The following GRIN2B variants were observed in gnomAD, a reference collection of about 807,000 sequenced individuals.
The protein encoded by GRIN2B is glutamate receptor ionotropic, NMDA 2B.
In GRIN2B, 5 loss-of-function variants were observed where a neutral mutation model predicts 114.5. The observed-to-expected ratio is 0.04, with a 90% CI of 0.02 to 0.09. GRIN2B has a LOEUF of 0.09. GRIN2B is among the 10% of genes least tolerant of loss of function. The pLI is 1.00. For missense variants in GRIN2B, 1,108 were observed against 1,943.5 expected, an observed-to-expected ratio of 0.57 and a Z score of 8.08; for synonymous variants, 787 against 745.1, an observed-to-expected ratio of 1.06 and a Z score of -0.92.
intron 3 of GRIN2B, among the ~76,000 whole-genome samples, chr12:13,806,449 C>T (rs947573612): frequency 3.2e-4 from 48 of 152,016 alleles, no homozygotes; most frequent in African/African-American, 1.0e-3. Flanking sequence ...CATTGTGATT[C>T]TGATTTGCAT....
At chr12:13,891,005 C>T (rs1045322654) in intron 2 of GRIN2B, among the ~76,000 whole-genome samples, 4 of 152,186 alleles carry the variant, frequency 2.6e-5, no homozygotes, top group African/African-American at 9.7e-5. Context: ...GCCAGCCAAT[C>T]TCCGCTCCCT....
At position 13,547,474 on chromosome 12, in the gene GRIN2B, C is replaced by CTGAT. The variant is rs1465919898; in HGVS notation, c.*15305_*15308dup. 1 of 152,114 alleles carries CTGAT rather than the reference C, an allele frequency of 6.6e-6. No homozygotes were observed. Among genetic ancestry groups the CTGAT allele is most frequent in the Non-Finnish European group, 1.5e-5 (1 of 68,012 alleles). 9.4% of individuals were successfully genotyped at this position (152,114 alleles called of 1,614,324 possible). A position where few individuals can be genotyped will look rare whatever the true frequency, so the allele number is the denominator to read the frequency against. On this transcript the variant is annotated 3_prime_UTR_variant, in exon 14 of 14. Coordinates refer to ENST00000609686, the MANE Select transcript of GRIN2B (RefSeq NM_000834.5). ...GACCCTTGGGATTAAATGAAATCTGCTGATTCTACTCTTTTTTCATGAATT... is the reference window on the plus strand; with the variant it reads ...GACCCTTGGGATTAAATGAAATCTGCTGATTGATTCTACTCTTTTTTCATGAATT...
At chr12:13,888,793 A>T (rs1460095319) in intron 2 of GRIN2B, among the ~76,000 whole-genome samples, 1 of 9,038 alleles carries the variant, frequency 1.1e-4, no homozygotes, top group Non-Finnish European at 9.4e-4. Context: ...TATAAAAGAT[A>T]AAAAAAAAAA....
At chr12:13,706,508 G>A (rs899249366) in intron 4 of GRIN2B, among the ~76,000 whole-genome samples, 19 of 152,162 alleles carry the variant, frequency 1.2e-4, no homozygotes, top group East Asian at 7.8e-4. Flanking sequence ...CCAGGACACC[G>A]ACATGCCTCC....
At chr12:13,929,444 C>T (rs1186416904) in intron 2 of GRIN2B, among the ~76,000 whole-genome samples, 1 of 152,180 alleles carries the variant, frequency 6.6e-6, no homozygotes, top group African/African-American at 2.4e-5. Context: ...GTAATAATAA[C>T]CCTAACAACA....
At chr12:13,778,134 A>C (rs2417303) in intron 3 of GRIN2B, among the ~76,000 whole-genome samples, 126,828 of 152,150 alleles carry the variant, frequency 0.83, 53,272 homozygotes, top group East Asian at 1. Flanking sequence ...CACACCTCTG[A>C]CCCGCTCCTT....
At chr12:13,689,264 T>C (rs1950195673) in intron 4 of GRIN2B, among the ~76,000 whole-genome samples, 1 of 152,130 alleles carries the variant, frequency 6.6e-6, no homozygotes, top group Non-Finnish European at 1.5e-5. Flanking sequence ...TTGATTGGCT[T>C]TATCTTTGCT....
intron 3 of GRIN2B, among the ~76,000 whole-genome samples, chr12:13,759,740 C>G (rs1863643621): frequency 6.6e-6 from 1 of 152,192 alleles, no homozygotes; most frequent in African/African-American, 2.4e-5. Context: ...TAATGCTCAA[C>G]AAAGAAGGAT....
chr12:13,675,905 T>C (rs1415583117), intron 4 of GRIN2B, 46 bp from the exon 5 acceptor site: 1 of 1,093,382 alleles, frequency 9.1e-7, no homozygotes, highest in Non-Finnish European at 1.4e-6. Flanking sequence ...GAAGAGGGTA[T>C]ACCATGAACA....
At chr12:13,898,398 C>G (rs574783921) in intron 2 of GRIN2B, among the ~76,000 whole-genome samples, 1 of 152,228 alleles carries the variant, frequency 6.6e-6, no homozygotes. Flanking sequence ...AAAGACCACA[C>G]AACTAATAAA....
intron 3 of GRIN2B, among the ~76,000 whole-genome samples, chr12:13,863,819 C>T (rs1435296195): frequency 1.3e-5 from 2 of 152,138 alleles, no homozygotes; most frequent in Admixed American, 6.5e-5. Context: ...ATATAGGTTG[C>T]ACAACAGCCC....
At chr12:13,740,234 T>G (rs1320564386) in intron 4 of GRIN2B, among the ~76,000 whole-genome samples, 1 of 152,190 alleles carries the variant, frequency 6.6e-6, no homozygotes. Context: ...GGCAATTCAC[T>G]TTATATTTCA....
intron 4 of GRIN2B, among the ~76,000 whole-genome samples, chr12:13,678,316 CTA>C (rs1253790029): frequency 6.6e-6 from 1 of 152,132 alleles, no homozygotes; most frequent in East Asian, 1.9e-4. Context: ...CCAGTAAATC[CTA>C]TGTCTCATTC....
intron 3 of GRIN2B, among the ~76,000 whole-genome samples, chr12:13,808,813 A>G (rs953928573): frequency 2.0e-5 from 3 of 151,180 alleles, no homozygotes; most frequent in African/African-American, 4.8e-5. Context: ...CCCGAGCCCT[A>G]TAGAGTTCAG....
chr12:13,923,710 G>A (rs1344696156), intron 2 of GRIN2B, among the ~76,000 whole-genome samples: 1 of 152,112 alleles, frequency 6.6e-6, no homozygotes, highest in Non-Finnish European at 1.5e-5. Flanking sequence ...AGCATGGAGG[G>A]ATGCCGCCAT....
At chr12:13,939,543 CTTTTTT>C (rs59671145) in intron 2 of GRIN2B, among the ~76,000 whole-genome samples, 2 of 88,044 alleles carry the variant, frequency 2.3e-5, no homozygotes, top group African/African-American at 4.4e-5. Flanking sequence ...CTGCACCGTG[CTTTTTT>C]TTTTTTTTTT....
In GRIN2B at chr12:13,563,650, A is replaced by G. The variant is rs200884387; in HGVS notation, c.3588T>C (p.Pro1196=). ...KHGVVSGVPA[P]WEKNLTNVEW... ...CCACGTTGGTCAGGTTCTTCTCCCA[A>G]GGTGCAGGTACCCCGCTGACCACGC... is the stretch of plus-strand genomic sequence containing the variant. The change falls in exon 14 of 14, where the codon CCT becomes CCC. Residue 1196 remains proline, a synonymous_variant. Coordinates refer to ENST00000609686, the MANE Select transcript of GRIN2B (RefSeq NM_000834.5). The G allele has an allele frequency of 4.8e-5, 78 of 1,613,764 alleles. 1 individual carries two copies. In the South Asian group the frequency reaches 8.2e-4, roughly 17 times the overall value.
intron 4 of GRIN2B, among the ~76,000 whole-genome samples, chr12:13,701,992 C>A (rs1054480796): frequency 2.6e-5 from 4 of 152,190 alleles, no homozygotes; most frequent in Non-Finnish European, 5.9e-5. Flanking sequence ...AATTCAAACT[C>A]CAAGAAGTCT....
At chr12:13,850,349 G>A (rs71459107) in intron 3 of GRIN2B, among the ~76,000 whole-genome samples, 28,481 of 152,008 alleles carry the variant, frequency 0.19, 2,946 homozygotes, top group African/African-American at 0.27. Flanking sequence ...CCAATCCCCA[G>A]GGTTATTGAA....
Sources: gnomAD v4.1 joint callset for allele counts (sites outside exome capture counted in the v4.1 genomes callset) on GRCh38, gnomAD v4.1.1 for gene constraint, MANE v1.5 for transcripts, NCBI Gene and HGNC (gene_info 2026-07-23, HGNC 2026-07-21) for gene names.